Variants in TAFA1 observed in about 807,000 individuals in gnomAD.
The protein encoded by TAFA1 is TAFA chemokine like family member 1.
In TAFA1, 4 loss-of-function variants were observed where a neutral mutation model predicts 18.5. That is an observed-to-expected ratio of 0.22 (90% CI 0.11 to 0.49). The LOEUF is 0.49. TAFA1 is among the 20% of genes least tolerant of loss of function. The pLI, the probability that TAFA1 is intolerant of heterozygous loss-of-function variation, is 0.98. For synonymous variants in TAFA1, 56 were observed against 55.2 expected (o/e 1.01, Z -0.06); for missense variants, 147 against 169.0 (o/e 0.87, Z 0.72).
chr3:68,538,621 T>C (rs1320579833), intron 3 of TAFA1, 135 bp from the exon 4 acceptor site: 1 of 748,546 alleles, frequency 1.3e-6, no homozygotes, highest in Non-Finnish European at 2.2e-6. Context: ...TAATAGAGCT[T>C]TCTTAGCTAG....
chr3:68,311,815 C>CACAGCTCCACACAA, intron 2 of TAFA1, among the ~76,000 whole-genome samples: 1 of 152,328 alleles, frequency 6.6e-6, no homozygotes, highest in East Asian at 1.9e-4. Context: ...GCCCTCTTCT[C>CACAGCTCCACACAA]ACAGCTCCAC....
chr3:68,478,046 G>C (rs996492122), intron 3 of TAFA1, among the ~76,000 whole-genome samples: 2 of 152,192 alleles, frequency 1.3e-5, no homozygotes, highest in Non-Finnish European at 2.9e-5. Flanking sequence ...AAATCATGGG[G>C]TGAAATTTAG....
At chr3:68,056,059 T>C (rs1394954688) in intron 2 of TAFA1, among the ~76,000 whole-genome samples, 3 of 152,304 alleles carry the variant, frequency 2.0e-5, no homozygotes, top group Middle Eastern at 6.8e-3. Context: ...ATCTTTCCAA[T>C]GGCCAATGCC....
intron 2 of TAFA1, among the ~76,000 whole-genome samples, chr3:68,173,619 A>T (rs1160395884): frequency 6.6e-6 from 1 of 152,212 alleles, no homozygotes; most frequent in East Asian, 1.9e-4. Context: ...TTATTTTCCT[A>T]TGAGAGTACA....
chr3:68,254,556 C>T (rs916178689), intron 2 of TAFA1, among the ~76,000 whole-genome samples: 1 of 151,906 alleles, frequency 6.6e-6, no homozygotes, highest in Non-Finnish European at 1.5e-5. Context: ...ACTGAGGTCA[C>T]TTTCTAAATA....
intron 2 of TAFA1, among the ~76,000 whole-genome samples, chr3:68,083,372 A>G (rs2064928848): frequency 6.6e-6 from 1 of 152,226 alleles, no homozygotes; most frequent in Non-Finnish European, 1.5e-5. Flanking sequence ...TATAGATTTT[A>G]TGTGAAAAAC....
chr3:68,450,267 A>C (rs964372438), intron 3 of TAFA1, among the ~76,000 whole-genome samples: 9 of 152,208 alleles, frequency 5.9e-5, no homozygotes, highest in Admixed American at 3.9e-4. Flanking sequence ...ATTCAACTAA[A>C]AGACTAGGAA....
chr3:68,128,322 G>A (rs1320900568), intron 2 of TAFA1, among the ~76,000 whole-genome samples: 1 of 152,158 alleles, frequency 6.6e-6, no homozygotes, highest in Non-Finnish European at 1.5e-5. Context: ...CCGCTGCTAA[G>A]GGACTTTAGA....
chr3:68,272,673 A>G (rs2067698434), intron 2 of TAFA1, among the ~76,000 whole-genome samples: 1 of 152,180 alleles, frequency 6.6e-6, no homozygotes, highest in Non-Finnish European at 1.5e-5. Context: ...CTCATCTATG[A>G]AAGAAAATAT....
At chr3:68,275,676 C>T (rs1164977790) in intron 2 of TAFA1, among the ~76,000 whole-genome samples, 12 of 151,686 alleles carry the variant, frequency 7.9e-5, no homozygotes, top group Admixed American at 7.9e-4. Flanking sequence ...TGAACGGAGA[C>T]CTGAATGGGA....
intron 3 of TAFA1, among the ~76,000 whole-genome samples, chr3:68,528,669 A>C (rs1310316322): frequency 2.0e-5 from 3 of 152,168 alleles, no homozygotes; most frequent in Non-Finnish European, 4.4e-5. Flanking sequence ...AGGTTGCACA[A>C]AAGTAAGTCT....
intron 3 of TAFA1, among the ~76,000 whole-genome samples, chr3:68,494,766 C>A (rs1279476540): frequency 6.6e-6 from 1 of 152,156 alleles, no homozygotes; most frequent in Non-Finnish European, 1.5e-5. Context: ...CAGCTTAATG[C>A]AATTCCTAAT....
At chr3:68,366,149 A>G (rs768883686) in intron 2 of TAFA1, among the ~76,000 whole-genome samples, 1 of 151,658 alleles carries the variant, frequency 6.6e-6, no homozygotes, top group Non-Finnish European at 1.5e-5. Context: ...CATGAAAACC[A>G]TATTGGGGAA....
At chr3:68,413,135 G>A (rs1310121709) in intron 2 of TAFA1, among the ~76,000 whole-genome samples, 3 of 152,162 alleles carry the variant, frequency 2.0e-5, no homozygotes, top group Non-Finnish European at 4.4e-5. Context: ...CAGTGATGAT[G>A]AGCATTTTTT....
Position 68,347,728 on chromosome 3 carries a change from T to C in TAFA1, c.119-69552T>C, listed in dbSNP as rs569035311. On this transcript the variant is annotated intron_variant, in intron 2 of 4. Coordinates refer to ENST00000478136, the MANE Select transcript of TAFA1 (RefSeq NM_213609.4). ...AAATCACTAGCTTTGCCTTTACTTA[T>C]AAAGAGTAGAGGCAAGAGGTTACCT... 3.9e-5 allele frequency among the ~76,000 whole-genome samples: 6 copies of C among 152,344 alleles called. No individual in the cohort carries two copies. In the South Asian group the frequency reaches 8.3e-4, roughly 21 times the overall value.
At chr3:68,419,031 A>C (rs2070901929) in intron 3 of TAFA1, among the ~76,000 whole-genome samples, 1 of 152,206 alleles carries the variant, frequency 6.6e-6, no homozygotes, top group Non-Finnish European at 1.5e-5. Context: ...TGGCTTGTTC[A>C]CATGGCTGTT....
At chr3:68,217,488 G>T (rs1399342065) in intron 2 of TAFA1, among the ~76,000 whole-genome samples, 1 of 151,998 alleles carries the variant, frequency 6.6e-6, no homozygotes, top group Non-Finnish European at 1.5e-5. Flanking sequence ...ATCCTGGATG[G>T]ATGGGATCCT....
At chr3:68,241,645 A>G (rs1349442994) in intron 2 of TAFA1, among the ~76,000 whole-genome samples, 2 of 152,120 alleles carry the variant, frequency 1.3e-5, no homozygotes, top group African/African-American at 4.8e-5. Flanking sequence ...GAATTGGATC[A>G]TCAGTTTTCC....
At chr3:68,240,246 G>T (rs1351598987) in intron 2 of TAFA1, among the ~76,000 whole-genome samples, 1 of 152,182 alleles carries the variant, frequency 6.6e-6, no homozygotes, top group Non-Finnish European at 1.5e-5. Flanking sequence ...GGAGACCAGT[G>T]AACAAGGAAA....
Sources: allele counts gnomAD v4.1 joint callset (sites outside exome capture counted in the v4.1 genomes callset), GRCh38; gene constraint gnomAD v4.1.1; transcripts MANE v1.5; gene names NCBI Gene and HGNC (gene_info 2026-07-23, HGNC 2026-07-21).